The following NAALADL2 variants were observed in gnomAD, a reference collection of about 807,000 sequenced individuals.
The protein encoded by NAALADL2 is inactive N-acetylated-alpha-linked acidic dipeptidase-like protein 2.
A neutral mutation model predicts 87.2 loss-of-function variants in NAALADL2; 76 were observed. The ratio of observed to expected loss-of-function variants is 0.87; its 90% CI spans 0.72 to 1.05. The LOEUF is 1.05. Among genes scored for constraint, NAALADL2 ranks in the 50% least tolerant of loss-of-function variants. NAALADL2 has a pLI of 0.00. For synonymous variants in NAALADL2, 354 were observed against 331.0 expected, an observed-to-expected ratio of 1.07 and a Z score of -0.75; for missense variants, 1,089 against 945.8, an observed-to-expected ratio of 1.15 and a Z score of -1.99.
In NAALADL2 at chr3:175,279,497, A is replaced by T. The variant is rs571518000; in HGVS notation, c.939+22967A>T. ...ATTAAAAACATGAGGTTTTTTTTTT[A>T]AAAAAATCTCCATTTGGTCTAAAAC... On this transcript the variant is annotated intron_variant, in intron 4 of 13. Transcript: ENST00000454872. 6.2e-3 allele frequency among the ~76,000 whole-genome samples: 932 copies of T among 150,354 alleles called. 13 individuals carry two copies. The highest frequency in any genetic ancestry group is 0.02 in the African/African-American group (828 of 40,686).
intron 9 of NAALADL2, among the ~76,000 whole-genome samples, chr3:175,489,593 A>G (rs1398425979): frequency 1.3e-5 from 2 of 152,212 alleles, no homozygotes; most frequent in African/African-American, 4.8e-5. Context: ...ATGTCATGTC[A>G]TAAGAAAGTA....
chr3:175,534,526 T>A (rs1473317933), intron 9 of NAALADL2, among the ~76,000 whole-genome samples: 1 of 152,138 alleles, frequency 6.6e-6, no homozygotes, highest in Non-Finnish European at 1.5e-5. Context: ...GCTGGTGACG[T>A]AAAATAAAAA....
At position 175,380,569 on chromosome 3, in the gene NAALADL2, T is replaced by G. The variant is rs74282693; in HGVS notation, c.1090+56244T>G. Among the ~76,000 whole-genome samples, 327 of 152,322 alleles carry G rather than the reference T, an allele frequency of 2.1e-3. 8 individuals carry two copies. In the East Asian group the frequency reaches 0.044, roughly 20 times the overall value. On this transcript the variant is annotated intron_variant, in intron 5 of 13. Transcript: ENST00000454872. The stretch of plus-strand genomic sequence containing the variant: ...CTTTCAAGCTCTCAATTAAGTATCC[T>G]TATGAAAATAAAGAAAATAATACAA...
intron 2 of NAALADL2, among the ~76,000 whole-genome samples, chr3:175,146,537 A>T (rs535157693): frequency 6.6e-6 from 1 of 152,280 alleles, no homozygotes; most frequent in East Asian, 1.9e-4. Context: ...ATGAAATGAA[A>T]TTCATAGAAT....
At position 175,471,726 on chromosome 3, in the gene NAALADL2, G is replaced by T; in HGVS notation, c.1621G>T (p.Ala541Ser). The change falls in exon 9 of 14, where the codon GCA (alanine) becomes TCA (serine). Residue 541 changes from alanine to serine, a missense_variant. Transcript: ENST00000454872. ...GGGGAACTCTAGTCTGTATCCTGTA[G>T]CATCACCATCTCTTCAGCAACTGGT... is the stretch of plus-strand genomic sequence containing the variant. ...IRGNSSLYPV[A>S]SPSLQQLVVE... is the part of the protein sequence containing the mutation. 1 of 1,608,704 alleles carries T rather than the reference G, an allele frequency of 6.2e-7. No individual in the cohort carries two copies. Among genetic ancestry groups the T allele is most frequent in the South Asian group, 1.1e-5 (1 of 90,152 alleles).
intron 1 of NAALADL2, among the ~76,000 whole-genome samples, chr3:174,959,003 C>T (rs1049338504): frequency 2.6e-5 from 4 of 152,050 alleles, no homozygotes; most frequent in Non-Finnish European, 4.4e-5. Flanking sequence ...TTTAACGCAA[C>T]AGTTTTCTAT....
intron 2 of NAALADL2, among the ~76,000 whole-genome samples, chr3:175,110,471 G>C (rs1475437531): frequency 6.6e-6 from 1 of 151,732 alleles, no homozygotes; most frequent in Non-Finnish European, 1.5e-5. Context: ...AGGGTTTTGG[G>C]AAGGCATTCT....
chr3:175,528,499 AC>A (rs1349195911), intron 9 of NAALADL2, among the ~76,000 whole-genome samples: 1 of 151,910 alleles, frequency 6.6e-6, no homozygotes, highest in Admixed American at 6.6e-5. Flanking sequence ...CTTTGGTAGC[AC>A]CCTCTCAGAC....
intron 12 of NAALADL2, among the ~76,000 whole-genome samples, chr3:175,746,449 C>A (rs1745958341): frequency 6.6e-6 from 1 of 151,468 alleles, no homozygotes; most frequent in Non-Finnish European, 1.5e-5. Flanking sequence ...GAGTCTATTT[C>A]TCAGCCCATC....
intron 11 of NAALADL2, among the ~76,000 whole-genome samples, chr3:175,665,317 AT>A (rs1434961505): frequency 6.6e-6 from 1 of 152,194 alleles, no homozygotes; most frequent in African/African-American, 2.4e-5. Flanking sequence ...TTTAAAATAT[AT>A]TTTTTCAGGT....
intron 1 of NAALADL2, among the ~76,000 whole-genome samples, chr3:174,468,138 C>A (rs761783076): frequency 6.6e-6 from 1 of 152,000 alleles, no homozygotes; most frequent in Admixed American, 6.6e-5. Flanking sequence ...ATCAGGTAGG[C>A]GGTTTTGTTC....
Position 175,608,312 on chromosome 3 carries a change from C to T in NAALADL2, c.1801-18979C>T, listed in dbSNP as rs115809913. Among the ~76,000 whole-genome samples the T allele has an allele frequency of 3.4e-3, 507 of 150,154 alleles. 3 individuals carry two copies. Among genetic ancestry groups the T allele is most frequent in the African/African-American group, 0.012 (486 of 41,054 alleles). ...CATCATTTTTATTAAAATATTGTTC[C>T]TCTTTTAATCTTTTAATGAAGATTA... On this transcript the variant is annotated intron_variant, in intron 10 of 13. Coordinates refer to ENST00000454872, the MANE Select transcript of NAALADL2 (RefSeq NM_207015.3).
chr3:175,407,670 C>T (rs961505172), intron 5 of NAALADL2, among the ~76,000 whole-genome samples: 1 of 152,160 alleles, frequency 6.6e-6, no homozygotes, highest in African/African-American at 2.4e-5. Context: ...CCACTGGCTT[C>T]GGACTGCAGT....
chr3:175,416,664 C>A (rs1714693814), intron 5 of NAALADL2, among the ~76,000 whole-genome samples: 1 of 152,100 alleles, frequency 6.6e-6, no homozygotes, highest in Admixed American at 6.6e-5. Flanking sequence ...ACACAGATAG[C>A]TATAAAATTC....
intron 9 of NAALADL2, among the ~76,000 whole-genome samples, chr3:175,529,786 T>C (rs1356937288): frequency 2.0e-5 from 3 of 152,188 alleles, no homozygotes; most frequent in African/African-American, 7.2e-5. Context: ...AGGCATTCCG[T>C]GAGTCCATGG....
At chr3:175,438,222 T>C (rs1051130561) in intron 5 of NAALADL2, among the ~76,000 whole-genome samples, 1 of 152,074 alleles carries the variant, frequency 6.6e-6, no homozygotes, top group Non-Finnish European at 1.5e-5. Context: ...ATCTAAACAA[T>C]ACTTTGCTGA....
At chr3:175,789,322 T>C (rs957859205) in intron 13 of NAALADL2, among the ~76,000 whole-genome samples, 70 of 152,200 alleles carry the variant, frequency 4.6e-4, no homozygotes, top group African/African-American at 1.6e-3. Context: ...TCTGCGACTT[T>C]ATTTGTATTA....
intron 2 of NAALADL2, among the ~76,000 whole-genome samples, chr3:174,655,505 G>A (rs989357992): frequency 2.6e-5 from 4 of 151,992 alleles, no homozygotes; most frequent in African/African-American, 9.7e-5. Context: ...ACTTTTTCAT[G>A]TGATACTAAA....
chr3:175,608,608 TC>T lies in NAALADL2; in HGVS notation c.1801-18681del, dbSNP rs796977027. Among the ~76,000 whole-genome samples, 4 of 151,992 alleles carry T rather than the reference TC, an allele frequency of 2.6e-5. 1 individual carries two copies. In the South Asian group the frequency reaches 8.3e-4, roughly 31 times the overall value. ...ACATCCTGAATGCAAAATGAGACAA[TC>T]CTTTAAACATTGTTATAACGATCGT... On this transcript the variant is annotated intron_variant, in intron 10 of 13. Coordinates refer to ENST00000454872, the MANE Select transcript of NAALADL2 (RefSeq NM_207015.3).
Sources: gnomAD v4.1 joint callset for allele counts (sites outside exome capture counted in the v4.1 genomes callset) on GRCh38, gnomAD v4.1.1 for gene constraint, MANE v1.5 for transcripts, NCBI Gene and HGNC (gene_info 2026-07-23, HGNC 2026-07-21) for gene names.